The following VWDE variants were observed in gnomAD, a reference collection of about 807,000 sequenced individuals.
VWDE encodes the protein von Willebrand factor D and EGF domain-containing protein.
VWDE carries 207 observed loss-of-function variants against 178.4 expected under a neutral mutation model. That is an observed-to-expected ratio of 1.16 (90% CI 1.04 to 1.30). VWDE has a LOEUF of 1.30. Among genes scored for constraint, VWDE ranks in the 50% most tolerant of loss-of-function variants. VWDE has a pLI of 0.00. For missense variants in VWDE, 2,287 were observed against 1,901.3 expected, an observed-to-expected ratio of 1.20 and a Z score of -3.77; for synonymous variants, 738 against 651.4, an observed-to-expected ratio of 1.13 and a Z score of -2.02.
intron 28 of VWDE, 84 bp downstream of exon 28, chr7:12,333,381 C>A: frequency 6.5e-5 from 51 of 782,476 alleles, no homozygotes; most frequent in East Asian, 1.6e-4. Context: ...AATAAAAAAA[C>A]ATTAATTAGT....
chr7:12,352,687 C>T (rs1583292188), intron 18 of VWDE, among the ~76,000 whole-genome samples: 1 of 152,158 alleles, frequency 6.6e-6, no homozygotes, highest in East Asian at 1.9e-4. Flanking sequence ...CCATCCTATA[C>T]TGTGTTGCTC....
At chr7:12,369,413 A>T in intron 12 of VWDE, 132 bp downstream of exon 12, 1 of 1,172,676 alleles carries the variant, frequency 8.5e-7, no homozygotes, top group African/African-American at 1.6e-5. Flanking sequence ...TGTGTTCATT[A>T]ATATGATTTG....
chr7:12,344,035 T>G (rs540969322), intron 21 of VWDE, among the ~76,000 whole-genome samples, 160 bp downstream of exon 21: 1 of 152,260 alleles, frequency 6.6e-6, no homozygotes, highest in African/African-American at 2.4e-5. Flanking sequence ...TTGAATAAAT[T>G]ATATTTAATA....
At chr7:12,355,034 A>C (rs1782150416) in intron 18 of VWDE, among the ~76,000 whole-genome samples, 1 of 152,180 alleles carries the variant, frequency 6.6e-6, no homozygotes, top group South Asian at 2.1e-4. Flanking sequence ...ATTATACTAA[A>C]ATTTATGAGG....
chr7:12,389,342 G>A lies in VWDE; in HGVS notation c.260C>T (p.Thr87Ile). Residue 87 changes from threonine to isoleucine, a missense_variant, in exon 3 of 29, where the codon ACT becomes ATT. Transcript: ENST00000275358. The stretch of plus-strand genomic sequence containing the variant: ...CAGAGACAGCCAGATGGGGGCCTGA[G>A]TTCCACAATGGTTCATCTTTTGCAG... ...TKCVEMNHCG[T>I]QAPIWLSLRD... 1.3e-6 allele frequency: 2 copies of A among 1,545,808 alleles called. No individual in the cohort carries two copies. The highest frequency in any genetic ancestry group is 1.8e-6 in the Non-Finnish European group (2 of 1,142,074).
chr7:12,334,331 G>C (rs953607034), intron 27 of VWDE, among the ~76,000 whole-genome samples: 2 of 152,012 alleles, frequency 1.3e-5, no homozygotes, highest in South Asian at 4.2e-4. Context: ...GTGAAAATGA[G>C]CGTACCACAA....
rs1782243374 is a variant in VWDE, at chr7:12,356,262, C to A, written c.3594G>T (p.Gly1198=). The A allele has an allele frequency of 1.3e-6, 2 of 1,551,596 alleles. No homozygotes were observed. The highest frequency in any genetic ancestry group is 8.7e-7 in the Non-Finnish European group (1 of 1,146,976). Residue 1198 remains glycine, a synonymous_variant, in exon 18 of 29, where the codon GGG becomes GGT. Transcript: ENST00000275358. ...SCVSDRNFSP[G]SGVYLCVCLP... ...AGCAGACACACAGGTACACTCCACT[C>A]CCTGGAGAAAAGTTCCTATCAGATA...
chr7:12,386,942 T>A lies in VWDE; in HGVS notation c.475+2185A>T, dbSNP rs183615888. ...CATATGTGTGAAATGATTAGTGCGT[T>A]ATTATTATACTTGTGGAATACTGCC... On this transcript the variant is annotated intron_variant, in intron 3 of 28. Transcript: ENST00000275358. Among the ~76,000 whole-genome samples, 142 of 152,310 alleles carry A rather than the reference T, an allele frequency of 9.3e-4. 1 individual carries two copies. The South Asian group carries it at 0.015, about 16-fold the overall frequency.
At chr7:12,351,817 C>A in intron 18 of VWDE, 104 bp from the exon 19 acceptor site, 1 of 974,014 alleles carries the variant, frequency 1.0e-6, no homozygotes, top group Non-Finnish European at 1.4e-6. Context: ...TTAAACTCTG[C>A]AAATTAGACT....
chr7:12,361,393 C>T lies in VWDE; in HGVS notation c.3027G>A (p.Gly1009=), dbSNP rs1229169587. The T allele has an allele frequency of 1.3e-6, 2 of 1,550,386 alleles. No homozygotes were observed. Among genetic ancestry groups the T allele is most frequent in the Non-Finnish European group, 1.7e-6 (2 of 1,146,490 alleles). ...TCAACTGCCACTTCCCAGTTGGTTTCCCACCCACCAGATCCATGGTATCAA... is the reference window on the plus strand; with the variant it reads ...TCAACTGCCACTTCCCAGTTGGTTTTCCACCCACCAGATCCATGGTATCAA... The part of the protein sequence containing the change: ...QQFDTMDLVG[G]KPTGKWQLKV... The change falls in exon 14 of 29, where the codon GGG becomes GGA. Residue 1009 remains glycine (G), a synonymous_variant. Transcript: ENST00000275358.
At chr7:12,365,897 T>C (rs1488947056) in intron 13 of VWDE, among the ~76,000 whole-genome samples, 1 of 152,052 alleles carries the variant, frequency 6.6e-6, no homozygotes, top group Non-Finnish European at 1.5e-5. Flanking sequence ...TGGCTCTGTG[T>C]CTCCGCCCAA....
At chr7:12,381,031 T>C (rs914349380) in intron 4 of VWDE, among the ~76,000 whole-genome samples, 2 of 152,194 alleles carry the variant, frequency 1.3e-5, no homozygotes, top group African/African-American at 4.8e-5. Context: ...GAAGCACTTA[T>C]CTTTTCTAAA....
intron 21 of VWDE, 42 bp downstream of exon 21, chr7:12,344,153 A>C: frequency 6.7e-7 from 1 of 1,481,756 alleles, no homozygotes; most frequent in Non-Finnish European, 9.2e-7. Context: ...AAATTATGCT[A>C]TATTTTAGGC....
chr7:12,334,551 G>T (rs1321218339), intron 27 of VWDE, among the ~76,000 whole-genome samples: 1 of 152,320 alleles, frequency 6.6e-6, no homozygotes, highest in East Asian at 1.9e-4. Context: ...ACATATCATA[G>T]ATTTGAATTT....
intron 2 of VWDE, among the ~76,000 whole-genome samples, chr7:12,391,827 CT>C (rs1231335809): frequency 1.3e-5 from 2 of 152,150 alleles, no homozygotes; most frequent in East Asian, 3.9e-4. Context: ...GAAAACAAGC[CT>C]TTTGCTAAGA....
chr7:12,351,047 C>A (rs1441413359), intron 19 of VWDE, among the ~76,000 whole-genome samples: 1 of 152,028 alleles, frequency 6.6e-6, no homozygotes, highest in Admixed American at 6.6e-5. Context: ...TCCTATGTTC[C>A]AGGAATCAAA....
chr7:12,394,814 G>A (rs1784550700), intron 1 of VWDE, among the ~76,000 whole-genome samples: 1 of 151,780 alleles, frequency 6.6e-6, no homozygotes, highest in Non-Finnish European at 1.5e-5. Flanking sequence ...ACCTCATCGT[G>A]GAAAAACCTT....
chr7:12,385,648 A>G (rs566400448), intron 3 of VWDE, among the ~76,000 whole-genome samples: 1 of 152,334 alleles, frequency 6.6e-6, no homozygotes, highest in East Asian at 1.9e-4. Context: ...TTGTTCAGTA[A>G]GAAAAAGAAA....
At chr7:12,348,394 C>T (rs903798002) in intron 19 of VWDE, among the ~76,000 whole-genome samples, 10 of 143,174 alleles carry the variant, frequency 7.0e-5, no homozygotes, top group Non-Finnish European at 1.2e-4. Context: ...AAACAAACAA[C>T]CCCATCAAAA....
Sources: allele counts gnomAD v4.1 joint callset (sites outside exome capture counted in the v4.1 genomes callset), GRCh38; gene constraint gnomAD v4.1.1; transcripts MANE v1.5; gene names NCBI Gene and HGNC (gene_info 2026-07-23, HGNC 2026-07-21).